DIS3L2: variants seen among roughly 807,000 people sequenced by gnomAD.
DIS3L2 encodes the protein DIS3 like 3'-5' exoribonuclease 2, also known as DIS3-like exonuclease 2.
DIS3L2 carries 34 observed loss-of-function variants against 97.5 expected under a neutral mutation model. The observed-to-expected ratio is 0.35, with a 90% confidence interval of 0.27 to 0.46. The LOEUF is 0.46. Ranked by LOEUF, DIS3L2 falls within the 20% of genes least tolerant of loss-of-function variation. The probability of loss-of-function intolerance (pLI) is 1.00; values close to 1 mark genes in which losing one functional copy is unlikely to be tolerated. For synonymous variants in DIS3L2, 435 were observed against 445.2 expected (o/e 0.98, Z 0.29); for missense variants, 1,038 against 1,146.0 (o/e 0.91, Z 1.36).
intron 5 of DIS3L2, among the ~76,000 whole-genome samples, chr2:232,059,150 C>T (rs1368468612): frequency 6.6e-6 from 1 of 152,136 alleles, no homozygotes; most frequent in African/African-American, 2.4e-5. Context: ...ATACAAAAAG[C>T]TCTGCCCAGG....
chr2:232,128,225 G>A lies in DIS3L2; in HGVS notation c.602-2394G>A, dbSNP rs138237905. 9.1e-3 allele frequency among the ~76,000 whole-genome samples: 1,378 copies of A among 152,002 alleles called. 19 individuals carry two copies. Among genetic ancestry groups the A allele is most frequent in the African/African-American group, 0.031 (1,292 of 41,452 alleles). On this transcript the variant is annotated intron_variant, in intron 6 of 20. Coordinates refer to ENST00000325385, the MANE Select transcript of DIS3L2 (RefSeq NM_152383.5). ...CCCACTTCAGCCTCCTGAAGTGCTG[G>A]GATTACAGGCGTGAGCCAACATGCC...
intron 4 of DIS3L2, among the ~76,000 whole-genome samples, chr2:232,028,999 CT>C (rs1390816471): frequency 2.0e-5 from 3 of 152,094 alleles, no homozygotes; most frequent in South Asian, 2.1e-4. Context: ...GCCCCTCCCC[CT>C]TTTTTTGATT....
At chr2:232,227,390 G>A (rs1221082594) in intron 10 of DIS3L2, among the ~76,000 whole-genome samples, 1 of 152,210 alleles carries the variant, frequency 6.6e-6, no homozygotes, top group African/African-American at 2.4e-5. Context: ...CTGGGTCTCA[G>A]TGTCTTTATC....
At chr2:232,339,486 A>C (rs1016408622), downstream of DIS3L2, among the ~76,000 whole-genome samples, 3 of 152,220 alleles carry the variant, frequency 2.0e-5, no homozygotes, top group Non-Finnish European at 4.4e-5. Flanking sequence ...AGGCTGCGAA[A>C]GTCACGGGTG....
At chr2:232,248,497 GA>G (rs984021833) in intron 11 of DIS3L2, among the ~76,000 whole-genome samples, 26 of 151,658 alleles carry the variant, frequency 1.7e-4, no homozygotes, top group Non-Finnish European at 2.5e-4. Flanking sequence ...GGAATAGTAG[GA>G]AAAAAAACAA....
rs1695927925 is a variant in DIS3L2, at chr2:232,335,889, G to T, written c.2496+15G>T. The T allele has an allele frequency of 1.3e-6, 2 of 1,549,930 alleles. No homozygotes were observed. Among genetic ancestry groups the T allele is most frequent in the Admixed American group, 2.0e-5 (1 of 50,978 alleles). On this transcript the variant is annotated intron_variant, in intron 20 of 20. Coordinates refer to ENST00000325385, the MANE Select transcript of DIS3L2 (RefSeq NM_152383.5). The stretch of plus-strand genomic sequence containing the variant: ...CAGCACAGCAGGTCAGAACCCCTCT[G>T]TGTCCCAGCCCCCTAAGTCCTGATG...
At chr2:232,255,627 TC>T (rs1289909643) in intron 12 of DIS3L2, among the ~76,000 whole-genome samples, 1 of 152,222 alleles carries the variant, frequency 6.6e-6, no homozygotes, top group Non-Finnish European at 1.5e-5. Flanking sequence ...AGTCTTATTC[TC>T]TGACTTAGTA....
chr2:232,304,983 T>G (rs1259397767), intron 14 of DIS3L2, among the ~76,000 whole-genome samples: 1 of 152,234 alleles, frequency 6.6e-6, no homozygotes, highest in African/African-American at 2.4e-5. Flanking sequence ...TGTAGGCAAC[T>G]TCCTCAAAAG....
Position 232,078,394 on chromosome 2 carries a change from C to G in DIS3L2, c.367-9093C>G, listed in dbSNP as rs534357730. The stretch of plus-strand genomic sequence containing the variant: ...ATATGCCCTTCCCCCCCGCCCCGCT[C>G]CCCGGGAGGAAGGGTTTACAGCTTT... On this transcript the variant is annotated intron_variant, in intron 5 of 20. Transcript: ENST00000325385. 2.3e-3 allele frequency among the ~76,000 whole-genome samples: 343 copies of G among 152,190 alleles called. 2 individuals are homozygous for G. The highest frequency in any genetic ancestry group is 8.1e-3 in the African/African-American group (336 of 41,536).
chr2:232,263,463 T>C, intron 13 of DIS3L2, 23 bp downstream of exon 13: 2 of 1,612,684 alleles, frequency 1.2e-6, no homozygotes, highest in Non-Finnish European at 1.7e-6. Flanking sequence ...TTTTTTAGTG[T>C]AGCCAACAGA....
chr2:232,280,209 G>T (rs1457788520), intron 13 of DIS3L2, among the ~76,000 whole-genome samples: 1 of 152,198 alleles, frequency 6.6e-6, no homozygotes, highest in Non-Finnish European at 1.5e-5. Flanking sequence ...GATTTGGGAT[G>T]GAGTTGGTCC....
At chr2:232,009,774 A>G (rs958302406) in intron 1 of DIS3L2, among the ~76,000 whole-genome samples, 11 of 152,156 alleles carry the variant, frequency 7.2e-5, no homozygotes, top group African/African-American at 2.7e-4. Flanking sequence ...GCAGGAAAAA[A>G]TAGATTTTTA....
At chr2:232,174,585 CAAAAAA>C (rs60698530) in intron 9 of DIS3L2, among the ~76,000 whole-genome samples, 1 of 83,964 alleles carries the variant, frequency 1.2e-5, no homozygotes, top group Non-Finnish European at 2.3e-5. Context: ...GACTCCACCT[CAAAAAA>C]AAAAAAAAAA....
chr2:232,055,973 A>G (rs149205540), intron 5 of DIS3L2, among the ~76,000 whole-genome samples: 255 of 152,372 alleles, frequency 1.7e-3, no homozygotes, highest in Middle Eastern at 3.4e-3. Context: ...AATTCTAGGT[A>G]GATAAAATAA....
intron 13 of DIS3L2, among the ~76,000 whole-genome samples, chr2:232,288,359 G>A (rs1183067866): frequency 2.6e-5 from 4 of 152,170 alleles, no homozygotes; most frequent in Admixed American, 6.5e-5. Context: ...ATCGTAGAGC[G>A]TCTCTTCTAA....
intron 14 of DIS3L2, among the ~76,000 whole-genome samples, chr2:232,301,060 C>A (rs957574637): frequency 2.6e-5 from 4 of 152,128 alleles, no homozygotes; most frequent in Non-Finnish European, 5.9e-5. Context: ...GTAATGACAG[C>A]GGCTACCATT....
chr2:232,193,807 A>T (rs1275565267), intron 9 of DIS3L2, among the ~76,000 whole-genome samples: 11 of 152,136 alleles, frequency 7.2e-5, no homozygotes, highest in African/African-American at 2.4e-4. Context: ...CTTTTTTTCC[A>T]GTGATTGGAG....
intron 1 of DIS3L2, among the ~76,000 whole-genome samples, chr2:232,005,086 A>G (rs539015925): frequency 1.7e-4 from 26 of 151,074 alleles, no homozygotes; most frequent in Admixed American, 1.5e-3. Flanking sequence ...CTGGGTTCTT[A>G]GTATGTCAAA....
chr2:232,091,486 A>AT (rs1189877919), intron 6 of DIS3L2, among the ~76,000 whole-genome samples: 2 of 152,038 alleles, frequency 1.3e-5, no homozygotes, highest in African/African-American at 2.4e-5. Context: ...ACAGGATCAC[A>AT]TTTTTTTTAA....
Sources: allele counts gnomAD v4.1 joint callset (sites outside exome capture counted in the v4.1 genomes callset), GRCh38; gene constraint gnomAD v4.1.1; transcripts MANE v1.5; gene names NCBI Gene and HGNC (gene_info 2026-07-23, HGNC 2026-07-21).